TOP6BL: variants seen among roughly 807,000 people sequenced by gnomAD.
TOP6BL encodes type 2 DNA topoisomerase 6 subunit B-like.
chr11:66,744,810 C>T, the TOP6BL span: 4 of 1,267,936 alleles, frequency 3.2e-6, no homozygotes, highest in Admixed American at 4.1e-5. Context: ...CAAGCCCGGG[C>T]TGAGGAGGGG....
chr11:66,804,025 C>T, the TOP6BL span: 1 of 1,612,156 alleles, frequency 6.2e-7, no homozygotes, highest in Non-Finnish European at 8.5e-7. Flanking sequence ...TTGAATCACA[C>T]TGCAGCAGAA....
the TOP6BL span, among the ~76,000 whole-genome samples, chr11:66,767,192 G>A: frequency 2.0e-5 from 3 of 152,118 alleles, no homozygotes; most frequent in Non-Finnish European, 4.4e-5. Context: ...AGATAGATAA[G>A]TTCTTATGTG....
the TOP6BL span, among the ~76,000 whole-genome samples, chr11:66,823,845 C>G: frequency 1.2e-4 from 18 of 152,198 alleles, no homozygotes; most frequent in Admixed American, 3.9e-4. Flanking sequence ...AAGAACAGAG[C>G]TAGGACTAGA....
the TOP6BL span, among the ~76,000 whole-genome samples, chr11:66,812,200 G>T: frequency 1.7e-5 from 1 of 57,176 alleles, no homozygotes; most frequent in Non-Finnish European, 3.2e-5. Context: ...TTTTTGAGAC[G>T]GAGTCTGGCT....
chr11:66,794,914 C>CCT, the TOP6BL span, among the ~76,000 whole-genome samples: 1 of 152,248 alleles, frequency 6.6e-6, no homozygotes, highest in South Asian at 2.1e-4. Context: ...GGGCAGATCA[C>CCT]CTGAGGTGAG....
chr11:66,796,454 T>C, the TOP6BL span: 1 of 953,282 alleles, frequency 1.0e-6, no homozygotes, highest in Non-Finnish European at 1.6e-6. Context: ...ACAGATGTGA[T>C]TGGTTCTTTT....
chr11:66,814,599 C>T, the TOP6BL span, among the ~76,000 whole-genome samples: 2 of 152,050 alleles, frequency 1.3e-5, no homozygotes, highest in South Asian at 4.1e-4. Flanking sequence ...CCTCTTACTT[C>T]CTCTGCTGCC....
At chr11:66,749,064 G>C in the TOP6BL span, among the ~76,000 whole-genome samples, 1 of 150,492 alleles carries the variant, frequency 6.6e-6, no homozygotes, top group Admixed American at 6.6e-5. Flanking sequence ...GTGTGTGTGT[G>C]GTGTGTGTGT....
the TOP6BL span, chr11:66,803,994 G>A: frequency 6.3e-7 from 1 of 1,596,042 alleles, no homozygotes; most frequent in Non-Finnish European, 8.5e-7. Flanking sequence ...TTTTCTGACA[G>A]TAGACCAAAT....
the TOP6BL span, chr11:66,744,819 G>GGGGGGCGGCGGCGGCGGC: frequency 1.5e-5 from 19 of 1,230,490 alleles, no homozygotes; most frequent in African/African-American, 3.0e-4. Flanking sequence ...GCTGAGGAGG[G>GGGGGGCGGCGGCGGCGGC]GGCGGCGGCG....
chr11:66,838,431 T>A, the TOP6BL span: 1 of 1,613,804 alleles, frequency 6.2e-7, no homozygotes, highest in Non-Finnish European at 8.5e-7. Context: ...AACAGCAGCC[T>A]GGAGCTCCTA....
At chr11:66,827,992 AAG>A in the TOP6BL span, among the ~76,000 whole-genome samples, 58 of 150,190 alleles carry the variant, frequency 3.9e-4, no homozygotes, top group Middle Eastern at 3.4e-3. Flanking sequence ...AAAAAAAAAA[AAG>A]AGAGATGGGA....
chr11:66,763,749 T>G, the TOP6BL span, among the ~76,000 whole-genome samples: 1 of 152,230 alleles, frequency 6.6e-6, no homozygotes, highest in East Asian at 1.9e-4. Flanking sequence ...GGGTCACATG[T>G]GCACACCTCC....
At chr11:66,843,247 TC>T in the TOP6BL span, 1 of 1,607,326 alleles carries the variant, frequency 6.2e-7, no homozygotes, top group East Asian at 2.2e-5. Context: ...CGGGTCCCCT[TC>T]CGCAAGCGCC....
the TOP6BL span, among the ~76,000 whole-genome samples, chr11:66,745,591 A>G: frequency 1.3e-5 from 2 of 152,292 alleles, no homozygotes; most frequent in East Asian, 3.9e-4. Flanking sequence ...TGTGAGGGGT[A>G]CTGGGCAGGT....
At chr11:66,817,883 C>G in the TOP6BL span, among the ~76,000 whole-genome samples, 7 of 152,304 alleles carry the variant, frequency 4.6e-5, no homozygotes, top group Non-Finnish European at 1.0e-4. Context: ...TTGAAAACCA[C>G]TGAGCATGAG....
the TOP6BL span, among the ~76,000 whole-genome samples, chr11:66,790,465 T>C: frequency 6.6e-6 from 1 of 152,144 alleles, no homozygotes; most frequent in African/African-American, 2.4e-5. Flanking sequence ...TTGATGAGAC[T>C]GAAAAACAGA....
At chr11:66,774,641 T>C in the TOP6BL span, among the ~76,000 whole-genome samples, 11 of 151,894 alleles carry the variant, frequency 7.2e-5, no homozygotes, top group African/African-American at 2.4e-4. Context: ...TTTTTGTTTC[T>C]TTTGTATTTT....
At chr11:66,757,138 T>A in the TOP6BL span, among the ~76,000 whole-genome samples, 11 of 151,544 alleles carry the variant, frequency 7.3e-5, no homozygotes, top group African/African-American at 2.7e-4. Flanking sequence ...AGGTCAGGAG[T>A]TCGAGACCAG....
Sources: gnomAD v4.1 joint callset for allele counts (sites outside exome capture counted in the v4.1 genomes callset) on GRCh38, gnomAD v4.1.1 for gene constraint, MANE v1.5 for transcripts, NCBI Gene and HGNC (gene_info 2026-07-23, HGNC 2026-07-21) for gene names.